SYNE1: variants seen among roughly 807,000 people sequenced by gnomAD.
SYNE1 encodes nesprin-1.
In SYNE1, 616 loss-of-function variants were observed where a neutral mutation model predicts 1,111.0. The observed-to-expected ratio is 0.55, with a 90% confidence interval of 0.52 to 0.59. The LOEUF is 0.59. SYNE1 is among the 20% of genes least tolerant of loss of function. The pLI is 0.00. For synonymous variants in SYNE1, 3,855 were observed against 3,825.8 expected, an observed-to-expected ratio of 1.01 and a Z score of -0.28; for missense variants, 10,006 against 10,417.0, an observed-to-expected ratio of 0.96 and a Z score of 1.72.
At chr6:152,581,887 T>G (rs1390548795) in intron 3 of SYNE1, among the ~76,000 whole-genome samples, 1 of 152,172 alleles carries the variant, frequency 6.6e-6, no homozygotes, top group East Asian at 1.9e-4. Flanking sequence ...GATTCACTCT[T>G]CTTGTGAACA....
chr6:152,547,558 T>G (rs2099320239), intron 3 of SYNE1, among the ~76,000 whole-genome samples: 1 of 152,208 alleles, frequency 6.6e-6, no homozygotes, highest in Non-Finnish European at 1.5e-5. Flanking sequence ...CTGTTTCATT[T>G]GCAGACACAA....
chr6:152,325,422 C>A, intron 80 of SYNE1, 120 bp from the exon 81 acceptor site: 2 of 909,122 alleles, frequency 2.2e-6, no homozygotes, highest in Non-Finnish European at 1.8e-6. Context: ...TTTCTACATA[C>A]GTTTATTCTC....
intron 101 of SYNE1, among the ~76,000 whole-genome samples, chr6:152,261,571 A>G (rs1391855606): frequency 6.6e-6 from 1 of 152,122 alleles, no homozygotes; most frequent in African/African-American, 2.4e-5. Context: ...AGACCCACCA[A>G]CGTCCCAATA....
intron 3 of SYNE1, among the ~76,000 whole-genome samples, chr6:152,576,309 T>C (rs7773857): frequency 0.042 from 6,373 of 152,280 alleles, 453 homozygotes; most frequent in African/African-American, 0.14. Flanking sequence ...TACTAGCACA[T>C]AGCACAGTCT....
intron 63 of SYNE1, among the ~76,000 whole-genome samples, chr6:152,363,292 AGG>A (rs2096971292): frequency 2.0e-5 from 3 of 147,668 alleles, no homozygotes; most frequent in African/African-American, 4.9e-5. Context: ...CAGGAGATCA[AGG>A]CCATCCTGGC....
chr6:152,139,900 A>G (rs112577319), intron 140 of SYNE1, 50 bp downstream of exon 140: 28 of 1,582,246 alleles, frequency 1.8e-5, no homozygotes, highest in African/African-American at 1.2e-4. Context: ...ACGGTCGTTC[A>G]CGCGGTGGCT....
chr6:152,467,332 A>G (rs1014657600), intron 16 of SYNE1, among the ~76,000 whole-genome samples: 8 of 152,106 alleles, frequency 5.3e-5, no homozygotes, highest in Non-Finnish European at 8.8e-5. Flanking sequence ...CCCAGTTGAG[A>G]AAAGAATAAT....
chr6:152,246,431 G>A (rs909465276), intron 105 of SYNE1, among the ~76,000 whole-genome samples: 8 of 151,780 alleles, frequency 5.3e-5, no homozygotes, highest in East Asian at 1.9e-4. Flanking sequence ...AGGATCATTC[G>A]GAGAACCAAA....
At chr6:152,540,513 C>T (rs569930295) in intron 3 of SYNE1, among the ~76,000 whole-genome samples, 3 of 152,188 alleles carry the variant, frequency 2.0e-5, no homozygotes, top group Non-Finnish European at 4.4e-5. Context: ...AGGAACTTCA[C>T]CCAGATGAGA....
At chr6:152,228,611 A>G (rs927585433) in intron 115 of SYNE1, among the ~76,000 whole-genome samples, 3 of 152,226 alleles carry the variant, frequency 2.0e-5, no homozygotes, top group Non-Finnish European at 4.4e-5. Context: ...TTAATGTGGT[A>G]TTTCAGTCTT....
At chr6:152,284,610 ATTTTTTTTTTTTT>A (rs760978831) in intron 95 of SYNE1, among the ~76,000 whole-genome samples, 1 of 108,150 alleles carries the variant, frequency 9.2e-6, no homozygotes, top group Non-Finnish European at 1.9e-5. Context: ...ACACCTGGTA[ATTTTTTTTTTTTT>A]TTTTTTTTTT....
At chr6:152,471,128 A>C (rs1221817900) in intron 16 of SYNE1, among the ~76,000 whole-genome samples, 3 of 152,062 alleles carry the variant, frequency 2.0e-5, no homozygotes, top group Non-Finnish European at 2.9e-5. Flanking sequence ...AGCCCAGGGA[A>C]TTACGGTAAA....
At chr6:152,531,421 T>G (rs1564674713) in intron 4 of SYNE1, among the ~76,000 whole-genome samples, 1 of 152,182 alleles carries the variant, frequency 6.6e-6, no homozygotes, top group East Asian at 1.9e-4. Context: ...GGTTCAGTAC[T>G]GTCTGTGGCT....
chr6:152,261,203 G>T (rs1223361883), intron 101 of SYNE1, among the ~76,000 whole-genome samples: 1 of 152,162 alleles, frequency 6.6e-6, no homozygotes, highest in Non-Finnish European at 1.5e-5. Context: ...CGATAATACT[G>T]CTGACTTGGA....
At chr6:152,142,578 T>C (rs767403292) in intron 138 of SYNE1, among the ~76,000 whole-genome samples, 6 of 152,254 alleles carry the variant, frequency 3.9e-5, no homozygotes, top group Non-Finnish European at 7.3e-5. Flanking sequence ...CTGCTGTGCT[T>C]ACCATAAATC....
At position 152,442,066 on chromosome 6, in the gene SYNE1, G is replaced by T; in HGVS notation, c.4008+9C>A. 1.9e-6 allele frequency: 3 copies of T among 1,613,980 alleles called. No individual in the cohort carries two copies. On this transcript the variant is annotated intron_variant, in intron 31 of 145. Coordinates refer to ENST00000367255, the MANE Select transcript of SYNE1 (RefSeq NM_182961.4). Reference sequence around the variant, plus strand: ...TCTGTTTAAATGGCCCCTAACTTCCGGCTCCTACCTGGATGCGGCGTTCCT... The same window carrying T: ...TCTGTTTAAATGGCCCCTAACTTCCTGCTCCTACCTGGATGCGGCGTTCCT...
chr6:152,554,363 G>C (rs913246404), intron 3 of SYNE1, among the ~76,000 whole-genome samples: 3 of 151,996 alleles, frequency 2.0e-5, no homozygotes, highest in African/African-American at 7.2e-5. Context: ...TGACCACCAA[G>C]AGATGCTGCC....
chr6:152,201,573 CT>C (rs779580906), intron 127 of SYNE1, among the ~76,000 whole-genome samples: 5 of 151,786 alleles, frequency 3.3e-5, no homozygotes, highest in Non-Finnish European at 7.4e-5. Flanking sequence ...CTTGACTCAG[CT>C]TTTAAATATC....
In SYNE1 at chr6:152,145,277, T is replaced by C. The variant is rs566145367; in HGVS notation, c.24977-1512A>G. The C allele has an allele frequency of 1.5e-4, 93 of 615,604 alleles. No homozygotes were observed. In the Admixed American group the frequency reaches 1.7e-3, roughly 11 times the overall value. 38.1% of individuals were successfully genotyped at this position (615,604 alleles called of 1,614,324 possible). On this transcript the variant is annotated intron_variant, in intron 137 of 145. Transcript: ENST00000367255. ...TGAGACCAATCACCATTTAACAAGT[T>C]GAGAAGTTACTTTATTTCGCTCAAT...
Sources: allele counts gnomAD v4.1 joint callset (sites outside exome capture counted in the v4.1 genomes callset), GRCh38; gene constraint gnomAD v4.1.1; transcripts MANE v1.5; gene names NCBI Gene and HGNC (gene_info 2026-07-23, HGNC 2026-07-21).